HS6ST3: variants seen among roughly 807,000 people sequenced by gnomAD.
The protein encoded by HS6ST3 is heparan-sulfate 6-O-sulfotransferase 3.
In HS6ST3, 12 loss-of-function variants were observed where a neutral mutation model predicts 36.7. The ratio of observed to expected loss-of-function variants is 0.33; its 90% CI spans 0.21 to 0.53. The LOEUF is 0.53. HS6ST3 is among the 20% of genes least tolerant of loss of function. The probability of loss-of-function intolerance (pLI) is 0.95; values close to 1 mark genes in which losing one functional copy is unlikely to be tolerated. For missense variants in HS6ST3, 584 were observed against 640.9 expected (o/e 0.91, Z 0.96); for synonymous variants, 240 against 257.5 (o/e 0.93, Z 0.65).
At position 96,142,087 on chromosome 13, in the gene HS6ST3, G is replaced by A. The variant is rs1209793891; in HGVS notation, c.707+50518G>A. Among the ~76,000 whole-genome samples the A allele has an allele frequency of 2.0e-5, 3 of 149,270 alleles. No individual in the cohort carries two copies. In the East Asian group the frequency reaches 5.9e-4, roughly 29 times the overall value. ...CAAGGGAGGTGAATGTTTTCAAAATGGGCATCGTGGAGAAATTCAAGAGCT... is the reference window on the plus strand; with the variant it reads ...CAAGGGAGGTGAATGTTTTCAAAATAGGCATCGTGGAGAAATTCAAGAGCT... On this transcript the variant is annotated intron_variant, in intron 1 of 1. Coordinates refer to ENST00000376705, the MANE Select transcript of HS6ST3 (RefSeq NM_153456.4).
At chr13:96,500,581 A>T (rs1303712056) in intron 1 of HS6ST3, among the ~76,000 whole-genome samples, 1 of 152,134 alleles carries the variant, frequency 6.6e-6, no homozygotes, top group Non-Finnish European at 1.5e-5. Flanking sequence ...TGACTGCAGG[A>T]TAAACTGCTT....
At chr13:96,464,709 C>T (rs762224638) in intron 1 of HS6ST3, among the ~76,000 whole-genome samples, 14 of 151,946 alleles carry the variant, frequency 9.2e-5, no homozygotes, top group African/African-American at 2.7e-4. Context: ...ACTGGAAGGT[C>T]GGTAATATAA....
intron 1 of HS6ST3, among the ~76,000 whole-genome samples, chr13:96,227,042 C>G (rs2054484126): frequency 6.6e-6 from 1 of 152,094 alleles, no homozygotes; most frequent in Admixed American, 6.6e-5. Context: ...GTCCCTTTAT[C>G]TTGACACTAG....
chr13:96,367,304 A>C (rs1474206509), intron 1 of HS6ST3, among the ~76,000 whole-genome samples: 1 of 152,228 alleles, frequency 6.6e-6, no homozygotes, highest in Admixed American at 6.5e-5. Flanking sequence ...GTGACATTAT[A>C]AAAACAATAT....
chr13:96,277,176 A>T (rs1384898947), intron 1 of HS6ST3, among the ~76,000 whole-genome samples: 1 of 152,276 alleles, frequency 6.6e-6, no homozygotes, highest in East Asian at 1.9e-4. Flanking sequence ...TATCTTGCTA[A>T]ATATACTTTC....
chr13:96,817,355 T>G (rs1422297066), intron 1 of HS6ST3, among the ~76,000 whole-genome samples: 1 of 152,228 alleles, frequency 6.6e-6, no homozygotes, highest in Non-Finnish European at 1.5e-5. Context: ...ATTTCAGCTT[T>G]GACTTACAAT....
intron 1 of HS6ST3, among the ~76,000 whole-genome samples, chr13:96,642,486 C>T (rs2056573739): frequency 6.6e-6 from 1 of 151,778 alleles, no homozygotes; most frequent in Admixed American, 6.6e-5. Flanking sequence ...CTCCTTTTTG[C>T]TGCCCTTTCC....
intron 1 of HS6ST3, among the ~76,000 whole-genome samples, chr13:96,683,364 A>C (rs1442837734): frequency 6.6e-6 from 1 of 152,050 alleles, no homozygotes; most frequent in Non-Finnish European, 1.5e-5. Flanking sequence ...TTGATGTTTT[A>C]ATTAAACCTT....
At chr13:96,592,688 A>T (rs1416652187) in intron 1 of HS6ST3, among the ~76,000 whole-genome samples, 3 of 151,990 alleles carry the variant, frequency 2.0e-5, no homozygotes, top group Non-Finnish European at 4.4e-5. Context: ...TTGGAGGATA[A>T]TTTCACTGGA....
intron 1 of HS6ST3, among the ~76,000 whole-genome samples, chr13:96,306,617 AG>A (rs2054915326): frequency 6.6e-6 from 1 of 152,114 alleles, no homozygotes; most frequent in Non-Finnish European, 1.5e-5. Context: ...TATCCTTTCC[AG>A]GAAGACCAGA....
At chr13:96,291,437 G>A (rs1046644926) in intron 1 of HS6ST3, among the ~76,000 whole-genome samples, 2 of 152,136 alleles carry the variant, frequency 1.3e-5, no homozygotes, top group Non-Finnish European at 2.9e-5. Flanking sequence ...GAAAGGATAG[G>A]AACTGCCATG....
intron 1 of HS6ST3, among the ~76,000 whole-genome samples, chr13:96,722,901 C>T (rs1397164609): frequency 2.6e-5 from 4 of 151,946 alleles, no homozygotes; most frequent in Admixed American, 6.5e-5. Context: ...TGCTTGAGCC[C>T]GAGAGGTTGA....
intron 1 of HS6ST3, among the ~76,000 whole-genome samples, chr13:96,520,887 A>G (rs2056090706): frequency 6.6e-6 from 1 of 152,142 alleles, no homozygotes; most frequent in African/African-American, 2.4e-5. Context: ...TACTATGTTG[A>G]ATAGGAGTGA....
chr13:96,813,585 C>T (rs976579453), intron 1 of HS6ST3, among the ~76,000 whole-genome samples: 2 of 152,212 alleles, frequency 1.3e-5, no homozygotes, highest in African/African-American at 4.8e-5. Flanking sequence ...ATTCTTGCGT[C>T]TTTACTTCCC....
chr13:96,745,149 C>G (rs1177409942), intron 1 of HS6ST3, among the ~76,000 whole-genome samples: 3 of 152,100 alleles, frequency 2.0e-5, no homozygotes, highest in African/African-American at 4.8e-5. Flanking sequence ...GCTCCAATCT[C>G]TACCACTGCT....
At chr13:96,699,668 T>C (rs374604595) in intron 1 of HS6ST3, among the ~76,000 whole-genome samples, 4 of 152,310 alleles carry the variant, frequency 2.6e-5, no homozygotes, top group African/African-American at 9.6e-5. Context: ...GTTCAACCAT[T>C]GTGGAAGTCA....
chr13:96,662,005 C>G (rs1240251081), intron 1 of HS6ST3, among the ~76,000 whole-genome samples: 1 of 151,986 alleles, frequency 6.6e-6, no homozygotes, highest in South Asian at 2.1e-4. Context: ...TAATTTGATG[C>G]TTCTCTCTTA....
chr13:96,393,819 A>C (rs2055407825), intron 1 of HS6ST3, among the ~76,000 whole-genome samples: 1 of 152,144 alleles, frequency 6.6e-6, no homozygotes, highest in Admixed American at 6.6e-5. Flanking sequence ...TGAACTTCCA[A>C]GTTAGAAGTA....
intron 1 of HS6ST3, among the ~76,000 whole-genome samples, chr13:96,760,847 G>A (rs558287264): frequency 3.3e-5 from 5 of 152,136 alleles, no homozygotes; most frequent in African/African-American, 1.2e-4. Flanking sequence ...GGAAGCATTG[G>A]TAGTAAAATT....
Sources: allele counts gnomAD v4.1 joint callset (sites outside exome capture counted in the v4.1 genomes callset), GRCh38; gene constraint gnomAD v4.1.1; transcripts MANE v1.5; gene names NCBI Gene and HGNC (gene_info 2026-07-23, HGNC 2026-07-21).